DNAAF9: variants seen among roughly 807,000 people sequenced by gnomAD.
The protein encoded by DNAAF9 is dynein axonemal assembly factor 9.
In DNAAF9, 90 loss-of-function variants were observed where a neutral mutation model predicts 167.0. That is an observed-to-expected ratio of 0.54 (90% CI 0.45 to 0.64). DNAAF9 has a LOEUF of 0.64. Among genes scored for constraint, DNAAF9 ranks in the 30% least tolerant of loss-of-function variants. The pLI is 0.00. For synonymous variants in DNAAF9, 491 were observed against 508.8 expected (o/e 0.96, Z 0.47); for missense variants, 1,315 against 1,442.2 (o/e 0.91, Z 1.43).
chr20:3,315,909 C>T lies in DNAAF9; in HGVS notation c.1540-124G>A. ...GACAGTCCTTCCACCATGTCCATGT[C>T]CAGTGCTCTCAGGCCCTGACACACC... On this transcript the variant is annotated intron_variant, in intron 18 of 36. Coordinates refer to ENST00000252032, the MANE Select transcript of DNAAF9 (RefSeq NM_001009984.3). The surrounding 1 kb of genome is among the most constrained non-coding windows in gnomAD (Gnocchi z 4.1). The T allele has an allele frequency of 1.3e-6, 1 of 796,870 alleles. No individual in the cohort carries two copies. Among genetic ancestry groups the T allele is most frequent in the Non-Finnish European group, 2.2e-6 (1 of 449,652 alleles). The allele number at this position is 796,870 out of a possible 1,614,324, so 49.4% of individuals were successfully genotyped here. A position where few individuals can be genotyped will look rare whatever the true frequency, so the allele number is the denominator to read the frequency against.
intron 10 of DNAAF9, among the ~76,000 whole-genome samples, chr20:3,338,675 G>A (rs1301034804): frequency 3.0e-5 from 4 of 133,194 alleles, no homozygotes; most frequent in East Asian, 2.2e-4. Context: ...TTTCTGAGAC[G>A]GAGTTTTGCT....
intron 25 of DNAAF9, among the ~76,000 whole-genome samples, chr20:3,293,108 A>G (rs2068992630): frequency 6.6e-6 from 1 of 151,244 alleles, no homozygotes; most frequent in Non-Finnish European, 1.5e-5. Flanking sequence ...CCTGGCTAAC[A>G]CGGTGAAACC....
At chr20:3,401,903 A>C (rs1174431441) in intron 1 of DNAAF9, among the ~76,000 whole-genome samples, 1 of 152,206 alleles carries the variant, frequency 6.6e-6, no homozygotes, top group African/African-American at 2.4e-5. Flanking sequence ...AGATCTGTAG[A>C]ATCTTTCTAT....
intron 35 of DNAAF9, among the ~76,000 whole-genome samples, chr20:3,254,137 G>A (rs2068238759): frequency 6.6e-6 from 1 of 152,034 alleles, no homozygotes; most frequent in Non-Finnish European, 1.5e-5. Context: ...GGAGTGCAGT[G>A]GCGTGATCTT....
At chr20:3,338,009 T>C (rs2069997754) in intron 10 of DNAAF9, among the ~76,000 whole-genome samples, 1 of 147,260 alleles carries the variant, frequency 6.8e-6, no homozygotes, top group Non-Finnish European at 1.5e-5. Context: ...ATATAATACA[T>C]ATTATATATT....
Position 3,352,052 on chromosome 20 carries a change from C to G in DNAAF9, c.691-3429G>C, listed in dbSNP as rs535519222. Among the ~76,000 whole-genome samples the G allele has an allele frequency of 7.9e-5, 12 of 152,216 alleles. No individual in the cohort carries two copies. The South Asian group carries it at 2.5e-3, about 32-fold the overall frequency. On this transcript the variant is annotated intron_variant, in intron 7 of 36. Transcript: ENST00000252032. ...GGGATTACAGGTGTGAGCCACTACA[C>G]CTGGCCATCTATGTTATTTTAATAA...
At chr20:3,345,699 G>A (rs954142210) in intron 8 of DNAAF9, among the ~76,000 whole-genome samples, 2 of 152,018 alleles carry the variant, frequency 1.3e-5, no homozygotes, top group African/African-American at 4.8e-5. Flanking sequence ...GAAAGAAAAG[G>A]CAGATCAATT....
At chr20:3,257,792 T>G (rs1199637009) in intron 33 of DNAAF9, among the ~76,000 whole-genome samples, 1 of 151,974 alleles carries the variant, frequency 6.6e-6, no homozygotes, top group African/African-American at 2.4e-5. Context: ...ACAACCTCCA[T>G]CTCCCAGGTT....
chr20:3,390,035 C>CAA (rs1162463454), intron 1 of DNAAF9, among the ~76,000 whole-genome samples: 23 of 87,768 alleles, frequency 2.6e-4, no homozygotes, highest in Non-Finnish European at 3.3e-4. Context: ...GACTCCATCT[C>CAA]AAAAAAAAAA....
chr20:3,350,026 C>T (rs1001655752), intron 7 of DNAAF9, among the ~76,000 whole-genome samples: 3 of 152,074 alleles, frequency 2.0e-5, no homozygotes, highest in African/African-American at 7.2e-5. Context: ...TCTGTGCTAG[C>T]CAAGTACTGA....
chr20:3,259,792 C>G, intron 32 of DNAAF9, 130 bp downstream of exon 32: 6 of 684,162 alleles, frequency 8.8e-6, no homozygotes, highest in East Asian at 8.1e-5. Flanking sequence ...CCTCAAATCC[C>G]TCTGTCTACT....
chr20:3,399,440 C>T (rs1052816949), intron 1 of DNAAF9, among the ~76,000 whole-genome samples: 2 of 152,082 alleles, frequency 1.3e-5, no homozygotes, highest in African/African-American at 4.8e-5. Context: ...GAACCACTGA[C>T]CTTGCGATCC....
Position 3,315,923 on chromosome 20 carries a change from C to T in DNAAF9, c.1540-138G>A, listed in dbSNP as rs2069493063. ...CATGTCCATGTCCAGTGCTCTCAGG[C>T]CCTGACACACCTGAGATGTCTGCTG... is the stretch of plus-strand genomic sequence containing the variant. On this transcript the variant is annotated intron_variant, in intron 18 of 36. Coordinates refer to ENST00000252032, the MANE Select transcript of DNAAF9 (RefSeq NM_001009984.3). The surrounding 1 kb of genome is among the most constrained non-coding windows in gnomAD (Gnocchi z 4.1). The T allele has an allele frequency of 4.1e-6, 3 of 724,962 alleles. No homozygotes were observed. The Admixed American group carries it at 6.0e-5, about 15-fold the overall frequency. 44.9% of individuals were successfully genotyped at this position (724,962 alleles called of 1,614,324 possible).
chr20:3,316,856 C>G lies in DNAAF9; in HGVS notation c.1469-63G>C, dbSNP rs571419840. 6.9e-6 allele frequency: 8 copies of G among 1,164,436 alleles called. 1 individual carries two copies. In the South Asian group the frequency reaches 1.0e-4, roughly 15 times the overall value. 72.1% of individuals were successfully genotyped at this position (1,164,436 alleles called of 1,614,324 possible). A position where few individuals can be genotyped will look rare whatever the true frequency, so the allele number is the denominator to read the frequency against. On this transcript the variant is annotated intron_variant, in intron 17 of 36. Transcript: ENST00000252032. The stretch of plus-strand genomic sequence containing the variant: ...CCAGCTCAGCCTGCCTTGCAGGCCC[C>G]AGACCCTAAATGCCCTTCTCAGGAG...
At chr20:3,270,228 C>T (rs192704107) in intron 30 of DNAAF9, among the ~76,000 whole-genome samples, 199 bp downstream of exon 30, 67 of 151,710 alleles carry the variant, frequency 4.4e-4, no homozygotes, top group Admixed American at 1.2e-3. Flanking sequence ...CTGCAGCCTC[C>T]AATTCCTGGA....
chr20:3,264,562 A>G, intron 30 of DNAAF9, 38 bp from the exon 31 acceptor site: 1 of 987,088 alleles, frequency 1.0e-6, no homozygotes, highest in East Asian at 2.4e-5. Context: ...ATTAATTAGG[A>G]CTGTCAATCT....
intron 2 of DNAAF9, 106 bp from the exon 3 acceptor site, chr20:3,381,604 G>A (rs949020195): frequency 1.1e-5 from 13 of 1,200,334 alleles, no homozygotes; most frequent in Non-Finnish European, 1.4e-5. Context: ...GCTGAAGGAC[G>A]CAGCTCAGAC....
At chr20:3,285,759 A>C (rs545744822) in intron 27 of DNAAF9, among the ~76,000 whole-genome samples, 14 of 151,432 alleles carry the variant, frequency 9.2e-5, no homozygotes, top group African/African-American at 3.4e-4. Flanking sequence ...TGGGCGGATC[A>C]CCTGAGGTCA....
At chr20:3,271,069 T>A (rs2068584890) in intron 29 of DNAAF9, among the ~76,000 whole-genome samples, 1 of 152,074 alleles carries the variant, frequency 6.6e-6, no homozygotes, top group Non-Finnish European at 1.5e-5. Flanking sequence ...CACCTCAGCC[T>A]CCCAAAGTGC....
Sources: gnomAD v4.1 joint callset for allele counts (sites outside exome capture counted in the v4.1 genomes callset) on GRCh38, gnomAD v4.1.1 for gene constraint, Gnocchi (gnomAD v3.1) non-coding constraint, MANE v1.5 for transcripts, NCBI Gene and HGNC (gene_info 2026-07-23, HGNC 2026-07-21) for gene names.